Variants in PTCHD4 observed in about 807,000 individuals in gnomAD.
PTCHD4 encodes patched domain-containing protein 4.
Under a neutral mutation model 58.1 loss-of-function variants are expected in PTCHD4, and 33 were observed. That is an observed-to-expected ratio of 0.57 (90% confidence interval 0.43 to 0.76). PTCHD4 has a LOEUF of 0.76. Ranked by LOEUF, PTCHD4 falls within the 30% of genes least tolerant of loss-of-function variation. PTCHD4 has a pLI of 0.00. For synonymous variants in PTCHD4, 478 were observed against 409.6 expected (o/e 1.17, Z -2.02); for missense variants, 1,058 against 1,027.1 (o/e 1.03, Z -0.41).
intron 4 of PTCHD4, among the ~76,000 whole-genome samples, chr6:47,882,163 A>T (rs1764036277): frequency 6.6e-6 from 1 of 152,156 alleles, no homozygotes; most frequent in African/African-American, 2.4e-5. Context: ...TAATGAGAGC[A>T]TCTCTCTTCA....
chr6:47,993,382 G>C (rs12374650), intron 4 of PTCHD4, among the ~76,000 whole-genome samples: 1 of 152,050 alleles, frequency 6.6e-6, no homozygotes, highest in African/African-American at 2.4e-5. Flanking sequence ...ATAAAAATTA[G>C]TCTACACAGG....
chr6:47,895,418 T>G lies in PTCHD4; in HGVS notation c.899-15482A>C, dbSNP rs191240379. On this transcript the variant is annotated intron_variant, in intron 4 of 4. Transcript: ENST00000339488. ...CAACCTAGGTTTCAGAAATTTTAAA[T>G]AATGAGCTGATAAAAGCATGTTAGC... Among the ~76,000 whole-genome samples, 6 of 152,052 alleles carry G rather than the reference T, an allele frequency of 3.9e-5. No homozygotes were observed. The East Asian group carries it at 1.2e-3, about 31-fold the overall frequency.
chr6:47,994,915 GATAA>G (rs1768424211), intron 4 of PTCHD4, among the ~76,000 whole-genome samples: 1 of 152,080 alleles, frequency 6.6e-6, no homozygotes, highest in African/African-American at 2.4e-5. Flanking sequence ...TGGACAAAGG[GATAA>G]ATAGACTGAA....
At chr6:47,987,271 G>A (rs1277411057) in intron 4 of PTCHD4, among the ~76,000 whole-genome samples, 1 of 125,854 alleles carries the variant, frequency 7.9e-6, no homozygotes, top group Admixed American at 8.4e-5. Flanking sequence ...GAGGGGGGAA[G>A]GGGGAGGGAT....
At position 47,876,538 on chromosome 6, in the gene PTCHD4, G is replaced by A. The variant is rs1763853091; in HGVS notation, c.*1765C>T. Among the ~76,000 whole-genome samples, 1 of 151,868 alleles carries A rather than the reference G, an allele frequency of 6.6e-6. No homozygotes were observed. Among genetic ancestry groups the A allele is most frequent in the Non-Finnish European group, 1.5e-5 (1 of 67,950 alleles). On this transcript the variant is annotated 3_prime_UTR_variant, in exon 5 of 5. Coordinates refer to ENST00000339488, the MANE Select transcript of PTCHD4 (RefSeq NM_001384253.1). ...CAACTTCATTTCCAGAGACTATAAC[G>A]AGAATGGAATGGTTTGTACCTTTTT...
At chr6:48,042,099 C>A (rs1251620816) in intron 3 of PTCHD4, among the ~76,000 whole-genome samples, 2 of 152,014 alleles carry the variant, frequency 1.3e-5, no homozygotes, top group South Asian at 4.1e-4. Context: ...GGAGATATTA[C>A]AAAAGGCCAA....
chr6:47,898,696 T>C (rs572402893), intron 4 of PTCHD4, among the ~76,000 whole-genome samples: 4 of 152,158 alleles, frequency 2.6e-5, no homozygotes, highest in Non-Finnish European at 5.9e-5. Flanking sequence ...ACCTCCCAAC[T>C]TGATGTAGAC....
rs1365022643 is a variant in PTCHD4 at position 47,878,656 on chromosome 6, C to G, written c.2179G>C (p.Ala727Pro). Reference protein sequence around the residue: ...YTLNFAIDHCAPLLFTFVLAT... With the variant: ...YTLNFAIDHCPPLLFTFVLAT... ...AATACAAATGTGAAAAGCAGTGGTG[C>G]ACAGTGGTCAATGGCGAAATTCAAG... The change falls in exon 5 of 5, where the codon GCA (alanine) becomes CCA (proline). Residue 727 changes from alanine (A) to proline (P), a missense_variant. Coordinates refer to ENST00000339488, the MANE Select transcript of PTCHD4 (RefSeq NM_001384253.1). 6.2e-7 allele frequency: 1 copy of G among 1,613,590 alleles called. No individual in the cohort carries two copies. The highest frequency in any genetic ancestry group is 8.5e-7 in the Non-Finnish European group (1 of 1,179,770).
chr6:47,956,237 C>T (rs1317989590), intron 4 of PTCHD4, among the ~76,000 whole-genome samples: 2 of 152,134 alleles, frequency 1.3e-5, no homozygotes, highest in Non-Finnish European at 2.9e-5. Context: ...GTAACAATAA[C>T]TAATATTTAG....
intron 1 of PTCHD4, among the ~76,000 whole-genome samples, chr6:48,082,797 A>G (rs947113681): frequency 6.6e-6 from 1 of 152,126 alleles, no homozygotes; most frequent in Non-Finnish European, 1.5e-5. Context: ...TAAGAAATTG[A>G]CATTATTAAA....
At position 47,857,746 on chromosome 6, in the gene PTCHD4, A is replaced by T. The variant is rs776752410; in HGVS notation, c.*20557T>A. 3.3e-5 allele frequency among the ~76,000 whole-genome samples: 5 copies of T among 151,998 alleles called. No individual in the cohort carries two copies. Among genetic ancestry groups the T allele is most frequent in the Non-Finnish European group, 5.9e-5 (4 of 67,954 alleles). On this transcript the variant is annotated 3_prime_UTR_variant, in exon 5 of 5. Transcript: ENST00000339488. The stretch of plus-strand genomic sequence containing the variant: ...GGGAACAGGAATGAAAACATTGTGA[A>T]GTAAATCATCTAGTAAAGATGACAC...
chr6:48,070,453 G>T (rs1764956812), intron 1 of PTCHD4, among the ~76,000 whole-genome samples: 1 of 152,112 alleles, frequency 6.6e-6, no homozygotes, highest in South Asian at 2.1e-4. Context: ...ACAGCAGAGA[G>T]CTCAGAAACA....
chr6:47,932,251 G>A (rs1765848242), intron 4 of PTCHD4, among the ~76,000 whole-genome samples: 1 of 152,158 alleles, frequency 6.6e-6, no homozygotes, highest in South Asian at 2.1e-4. Flanking sequence ...ATATCTAATA[G>A]TTGTGACCTC....
At chr6:47,917,212 T>G (rs1428664377) in intron 4 of PTCHD4, among the ~76,000 whole-genome samples, 1 of 152,072 alleles carries the variant, frequency 6.6e-6, no homozygotes, top group Non-Finnish European at 1.5e-5. Context: ...AATGCTATTT[T>G]GGGCAAAACG....
rs144514155 is a variant in PTCHD4, at chr6:48,102,051, G to C, written c.-970+8998C>G. Among the ~76,000 whole-genome samples the C allele has an allele frequency of 3.9e-3, 598 of 152,258 alleles. 5 individuals carry two copies. The highest frequency in any genetic ancestry group is 0.014 in the African/African-American group (575 of 41,534). On this transcript the variant is annotated intron_variant, in intron 1 of 4. Transcript: ENST00000339488. The stretch of plus-strand genomic sequence containing the variant: ...CAGCCTGCTGCATGTTCATTTCTTA[G>C]TCTAGACTCAGACCCCAGGCTACCA...
Position 47,992,516 on chromosome 6 carries a change from A to G in PTCHD4, c.898+16118T>C, listed in dbSNP as rs573819005. Among the ~76,000 whole-genome samples, 44 of 152,326 alleles carry G rather than the reference A, an allele frequency of 2.9e-4. No homozygotes were observed. The South Asian group carries it at 8.1e-3, about 28-fold the overall frequency. On this transcript the variant is annotated intron_variant, in intron 4 of 4. Transcript: ENST00000339488. ...CTTTGAGCAGTCTTCATATGTGTCA[A>G]CATATAGCTATTAGTAAAAATAGTA...
At chr6:47,986,484 G>A (rs369315892) in intron 4 of PTCHD4, among the ~76,000 whole-genome samples, 76 of 152,198 alleles carry the variant, frequency 5.0e-4, no homozygotes, top group African/African-American at 1.2e-3. Context: ...ATTCTCCAGC[G>A]TACAAATCCC....
chr6:47,925,614 A>G (rs994092820), intron 4 of PTCHD4, among the ~76,000 whole-genome samples: 2 of 152,164 alleles, frequency 1.3e-5, no homozygotes, highest in Admixed American at 6.5e-5. Context: ...AGCTCCTTAA[A>G]TTTTTGCCTG....
chr6:47,895,674 A>C (rs111281193), intron 4 of PTCHD4, among the ~76,000 whole-genome samples: 1 of 152,288 alleles, frequency 6.6e-6, no homozygotes, highest in Non-Finnish European at 1.5e-5. Flanking sequence ...CAACAAGTAC[A>C]TAAGTTGCAC....
Sources: allele counts gnomAD v4.1 joint callset (sites outside exome capture counted in the v4.1 genomes callset), GRCh38; gene constraint gnomAD v4.1.1; transcripts MANE v1.5; gene names NCBI Gene and HGNC (gene_info 2026-07-23, HGNC 2026-07-21).